Variants in ANAPC4 observed in about 807,000 individuals in gnomAD.
The protein encoded by ANAPC4 is anaphase-promoting complex subunit 4.
In ANAPC4, 63 loss-of-function variants were observed where a neutral mutation model predicts 119.8. That is an observed-to-expected ratio of 0.53 (90% CI 0.43 to 0.65). The LOEUF is 0.65. Ranked by LOEUF, ANAPC4 falls within the 30% of genes least tolerant of loss-of-function variation. The probability of loss-of-function intolerance (pLI) is 0.00; values close to 1 mark genes in which losing one functional copy is unlikely to be tolerated. For synonymous variants in ANAPC4, 283 were observed against 318.6 expected (o/e 0.89, Z 1.19); for missense variants, 716 against 945.1 (o/e 0.76, Z 3.18).
At position 25,387,616 on chromosome 4, in the gene ANAPC4, G is replaced by A. The variant is rs544361203; in HGVS notation, c.369-884G>A. 1.2e-4 allele frequency among the ~76,000 whole-genome samples: 18 copies of A among 152,324 alleles called. No individual in the cohort carries two copies. In the South Asian group the frequency reaches 2.5e-3, roughly 21 times the overall value. On this transcript the variant is annotated intron_variant, in intron 4 of 28. Transcript: ENST00000315368. ...TAACAGTTTAGAAGTGTTATGTGGC[G>A]ATTCCAGGGTCTCTCAAGACAGCTC...
chr4:25,416,594 A>G lies in ANAPC4; in HGVS notation c.2071A>G (p.Thr691Ala). 1 of 1,527,656 alleles carries G rather than the reference A, an allele frequency of 6.5e-7. No homozygotes were observed. Among genetic ancestry groups the G allele is most frequent in the Non-Finnish European group, 8.9e-7 (1 of 1,127,112 alleles). 94.6% of individuals were successfully genotyped at this position (1,527,656 alleles called of 1,614,324 possible). A position where few individuals can be genotyped will look rare whatever the true frequency, so the allele number is the denominator to read the frequency against. The change falls in exon 27 of 29, where the codon ACA becomes GCA. Residue 691 changes from threonine to alanine, a missense_variant. Thr to Ala is a moderately conservative substitution (Grantham distance 58, BLOSUM62 0). Transcript: ENST00000315368. Reference sequence around the variant, plus strand: ...ATATCAGTTCACTGGGACTTATTCTACAAGGTAACTAGTAACATTGTCTTT... The same window carrying G: ...ATATCAGTTCACTGGGACTTATTCTGCAAGGTAACTAGTAACATTGTCTTT... The part of the protein sequence containing the change: ...AEYQFTGTYS[T>A]RLDEQCSAIP...
chr4:25,412,549 A>G (rs909651442), intron 21 of ANAPC4, among the ~76,000 whole-genome samples: 2 of 152,020 alleles, frequency 1.3e-5, no homozygotes, highest in African/African-American at 4.8e-5. Context: ...GGATCACTTG[A>G]GATCAGGAGT....
intron 17 of ANAPC4, 34 bp downstream of exon 17, chr4:25,403,060 C>G: frequency 6.6e-7 from 1 of 1,509,070 alleles, no homozygotes; most frequent in Non-Finnish European, 9.1e-7. Flanking sequence ...TTTATTTTAA[C>G]ACTTTAAAAA....
intron 9 of ANAPC4, 125 bp downstream of exon 9, chr4:25,391,140 A>G: frequency 1.5e-6 from 1 of 649,266 alleles, no homozygotes; most frequent in South Asian, 2.1e-5. Context: ...TCGACTTGGA[A>G]TTTCTACATC....
rs754859496 is a variant in ANAPC4 at position 25,390,131 on chromosome 4, A to G, written c.516-5A>G. On this transcript the variant is annotated splice_polypyrimidine_tract_variant and splice_region_variant and intron_variant, in intron 7 of 28. Coordinates refer to ENST00000315368, the MANE Select transcript of ANAPC4 (RefSeq NM_013367.3). Reference sequence around the variant, plus strand: ...TTCTCAGCTTGTTGCATTGTTTTTAATTAGGCTTAATATTCTCGTCCTTGG... The same window carrying G: ...TTCTCAGCTTGTTGCATTGTTTTTAGTTAGGCTTAATATTCTCGTCCTTGG... 3 of 1,605,820 alleles carry G rather than the reference A, an allele frequency of 1.9e-6. No homozygotes were observed. Among genetic ancestry groups the G allele is most frequent in the Non-Finnish European group, 2.6e-6 (3 of 1,174,000 alleles).
chr4:25,393,933 C>T (rs1224722063), intron 11 of ANAPC4, 42 bp downstream of exon 11: 3 of 1,452,868 alleles, frequency 2.1e-6, no homozygotes, highest in East Asian at 4.6e-5. Context: ...TTAAAGAATG[C>T]ATGATGTATG....
chr4:25,415,407 A>G (rs1723802899), intron 25 of ANAPC4, 59 bp from the exon 26 acceptor site: 1 of 1,321,984 alleles, frequency 7.6e-7, no homozygotes, highest in Non-Finnish European at 1.1e-6. Context: ...AAGCCTTTAG[A>G]TTATTGACTA....
At chr4:25,394,778 G>A in intron 13 of ANAPC4, 51 bp from the exon 14 acceptor site, 1 of 1,584,324 alleles carries the variant, frequency 6.3e-7, no homozygotes, top group Non-Finnish European at 8.6e-7. Context: ...TTTTTCGAGT[G>A]GCATATAATA....
chr4:25,400,134 T>C (rs958389922), intron 16 of ANAPC4, among the ~76,000 whole-genome samples: 2 of 152,240 alleles, frequency 1.3e-5, no homozygotes, highest in African/African-American at 4.8e-5. Flanking sequence ...TGAGGAGTTT[T>C]GCTGTAAAGG....
At chr4:25,415,682 GTATT>G in intron 26 of ANAPC4, 142 bp downstream of exon 26, 1 of 629,026 alleles carries the variant, frequency 1.6e-6, no homozygotes, top group Non-Finnish European at 2.7e-6. Flanking sequence ...GATTCTTTGT[GTATT>G]TATACATAGA....
At chr4:25,401,588 G>C (rs1195295763) in intron 16 of ANAPC4, among the ~76,000 whole-genome samples, 1 of 152,230 alleles carries the variant, frequency 6.6e-6, no homozygotes, top group East Asian at 1.9e-4. Context: ...GCTTCTCCAA[G>C]GCGGAGGCTC....
At chr4:25,388,312 C>CAA (rs10695303) in intron 4 of ANAPC4, among the ~76,000 whole-genome samples, 188 bp from the exon 5 acceptor site, 65,511 of 151,714 alleles carry the variant, frequency 0.43, 15,688 homozygotes, top group Non-Finnish European at 0.53. Context: ...CCTAAAATAA[C>CAA]AGAAATTCCT....
At chr4:25,388,464 G>C in intron 4 of ANAPC4, 36 bp from the exon 5 acceptor site, 1 of 1,354,202 alleles carries the variant, frequency 7.4e-7, no homozygotes, top group South Asian at 1.3e-5. Flanking sequence ...TAAAATCTTT[G>C]GTGTTTTTAT....
rs1297563312 is a variant in ANAPC4, at chr4:25,379,441, G to C, written c.130-933G>C. On this transcript the variant is annotated intron_variant, in intron 2 of 28. Coordinates refer to ENST00000315368, the MANE Select transcript of ANAPC4 (RefSeq NM_013367.3). The stretch of plus-strand genomic sequence containing the variant: ...TGATTCAAAGTTAGGAGATTTACAA[G>C]AAGAGAAGAAATGGCATCAAGCATC... 2.0e-5 allele frequency among the ~76,000 whole-genome samples: 3 copies of C among 152,104 alleles called. No individual in the cohort carries two copies. The East Asian group carries it at 5.8e-4, about 29-fold the overall frequency.
At chr4:25,416,752 C>T (rs1723901431) in intron 27 of ANAPC4, 154 bp downstream of exon 27, 1 of 517,528 alleles carries the variant, frequency 1.9e-6, no homozygotes. Context: ...ATTTTTCATT[C>T]AAAATATGCT....
intron 16 of ANAPC4, 43 bp from the exon 17 acceptor site, chr4:25,402,928 A>G: frequency 8.5e-7 from 1 of 1,178,006 alleles, no homozygotes; most frequent in Non-Finnish European, 1.2e-6. Flanking sequence ...TGAATCCCCC[A>G]CACACTAATC....
chr4:25,400,967 A>G (rs1577388848), intron 16 of ANAPC4, among the ~76,000 whole-genome samples: 1 of 152,082 alleles, frequency 6.6e-6, no homozygotes, highest in Non-Finnish European at 1.5e-5. Flanking sequence ...GTAAATGTCT[A>G]AGGTCGGGTT....
chr4:25,381,392 C>G lies in ANAPC4; in HGVS notation c.235+913C>G, dbSNP rs373015772. ...CACTGCAACCTTGGGCTCACTGAAA[C>G]CTTCACCTCCCGGGTTCAAGCAATT... On this transcript the variant is annotated intron_variant, in intron 3 of 28. Transcript: ENST00000315368. Among the ~76,000 whole-genome samples, 80 of 152,154 alleles carry G rather than the reference C, an allele frequency of 5.3e-4. 1 individual carries two copies. The highest frequency in any genetic ancestry group is 1.9e-3 in the African/African-American group (77 of 41,504).
rs541205910 is a variant in ANAPC4, at chr4:25,403,452, T to TA, written c.1270+427dup. Among the ~76,000 whole-genome samples the TA allele has an allele frequency of 1.1e-4, 16 of 152,312 alleles. No individual in the cohort carries two copies. In the East Asian group the frequency reaches 2.9e-3, roughly 28 times the overall value. On this transcript the variant is annotated intron_variant, in intron 17 of 28. Coordinates refer to ENST00000315368, the MANE Select transcript of ANAPC4 (RefSeq NM_013367.3). Reference sequence around the variant, plus strand: ...TCGCTCACTGATAGTTCACATTTTTTACTTTATAATGTCTCCTTAGGTTAA... The same window carrying TA: ...TCGCTCACTGATAGTTCACATTTTTTAACTTTATAATGTCTCCTTAGGTTAA...
Sources: gnomAD v4.1 joint callset for allele counts (sites outside exome capture counted in the v4.1 genomes callset) on GRCh38, gnomAD v4.1.1 for gene constraint, MANE v1.5 for transcripts, NCBI Gene and HGNC (gene_info 2026-07-23, HGNC 2026-07-21) for gene names.